The following DCHS1 variants were observed in gnomAD, a reference collection of about 807,000 sequenced individuals.
The protein encoded by DCHS1 is dachsous cadherin-related 1.
Under a neutral mutation model 213.9 loss-of-function variants are expected in DCHS1, and 78 were observed. The ratio of observed to expected loss-of-function variants is 0.36; its 90% CI spans 0.30 to 0.44. The LOEUF is 0.44. Ranked by LOEUF, DCHS1 falls within the 20% of genes least tolerant of loss-of-function variation. The pLI, the probability that DCHS1 is intolerant of heterozygous loss-of-function variation, is 1.00. For synonymous variants in DCHS1, 1,828 were observed against 1,873.7 expected (o/e 0.98, Z 0.63); for missense variants, 3,946 against 4,395.9 (o/e 0.90, Z 2.89).
chr11:6,640,094 T>G lies in DCHS1; in HGVS notation c.1520A>C (p.Gln507Pro), dbSNP rs1279163319. The change falls in exon 2 of 21, where the codon CAG becomes CCG. Residue 507 changes from glutamine to proline, a missense_variant. Physicochemically the swap from Gln to Pro is moderately conservative, Grantham distance 76. Transcript: ENST00000299441. This position sits in a 1 kb window ranked among gnomAD's most constrained non-coding sequence, Gnocchi z 6.5. ...GCCAGGGGCTAGGCTATAAGTGACC[T>G]GACCATTGGTGCCTTGGTCAGGATC... ...ARDPDQGTNG[Q>P]VTYSLAPGAH... 6.2e-7 allele frequency: 1 copy of G among 1,613,646 alleles called. No homozygotes were observed. Among genetic ancestry groups the G allele is most frequent in the African/African-American group, 1.3e-5 (1 of 74,906 alleles).
intron 1 of DCHS1, among the ~76,000 whole-genome samples, chr11:6,650,197 T>C (rs976599329): frequency 3.3e-5 from 5 of 152,158 alleles, no homozygotes; most frequent in Admixed American, 6.5e-5. Context: ...AACAAGCTTC[T>C]TCTATCCAGT....
At position 6,625,865 on chromosome 11, in the gene DCHS1, C is replaced by T. The variant is rs908720084; in HGVS notation, c.6731+55G>A. 4.1e-5 allele frequency: 65 copies of T among 1,598,522 alleles called. No individual in the cohort carries two copies. The highest frequency in any genetic ancestry group is 1.2e-4 in the Admixed American group (7 of 57,748). ...GGGACCAGATGAGTTCAAGGCAGGG[C>T]TTGAAACTGGACAGGCCCAAGATGG... On this transcript the variant is annotated intron_variant, in intron 17 of 20. Coordinates refer to ENST00000299441, the MANE Select transcript of DCHS1 (RefSeq NM_003737.4). The surrounding 1 kb of genome is among the most constrained non-coding windows in gnomAD (Gnocchi z 5.3).
chr11:6,623,920 C>T lies in DCHS1; in HGVS notation c.7756G>A (p.Val2586Met), dbSNP rs747141130. Reference sequence around the variant, plus strand: ...TCTAGTACAGTGACAGTGACTGGCACGACTGAGCTTTGGGGTGGCTGCCCA... The same window carrying T: ...TCTAGTACAGTGACAGTGACTGGCATGACTGAGCTTTGGGGTGGCTGCCCA... ...DRGQPPQSSV[V>M]PVTVTVLDVN... Residue 2586 changes from valine (V) to methionine (M), a missense_variant, in exon 21 of 21, where the codon GTG becomes ATG. Val to Met is a conservative substitution (Grantham distance 21, BLOSUM62 1). Transcript: ENST00000299441. 17 of 1,607,916 alleles carry T rather than the reference C, an allele frequency of 1.1e-5. No homozygotes were observed. The East Asian group carries it at 1.1e-4, about 11-fold the overall frequency.
chr11:6,630,404 C>T lies in DCHS1; in HGVS notation c.4390G>A (p.Asp1464Asn). 7.0e-7 allele frequency: 1 copy of T among 1,424,798 alleles called. No individual in the cohort carries two copies. Among genetic ancestry groups the T allele is most frequent in the Non-Finnish European group, 9.1e-7 (1 of 1,094,446 alleles). 88.3% of individuals were successfully genotyped at this position (1,424,798 alleles called of 1,614,324 possible). A position where few individuals can be genotyped will look rare whatever the true frequency, so the allele number is the denominator to read the frequency against. The part of the protein sequence containing the change: ...ALYTFRASDA[D>N]GPGPNSDVRY... ...ACGTCGCTATTGGGGCCGGGGCCGT[C>T]GGCGTCCGACGCGCGGAAAGTGTAC... The change falls in exon 10 of 21, where the codon GAC becomes AAC. Residue 1464 changes from aspartate (D) to asparagine (N), a missense_variant. By Grantham distance (23) the Asp-to-Asn change is conservative. This residue lies in a region of DCHS1 where 3,384 missense variants were observed against 3,780.1 expected (regional missense o/e 0.90). Coordinates refer to ENST00000299441, the MANE Select transcript of DCHS1 (RefSeq NM_003737.4).
Position 6,633,516 on chromosome 11 carries a change from G to A in DCHS1, c.2351C>T (p.Thr784Ile). The part of the protein sequence containing the change: ...ARVDISIVPG[T>I]PTPPIFEQLQ... ...TTGCTCAAATATGGGTGGTGTGGGGGTTCCAGGCACAATGCTGATGTCCAC... is the reference window on the plus strand; with the variant it reads ...TTGCTCAAATATGGGTGGTGTGGGGATTCCAGGCACAATGCTGATGTCCAC... Residue 784 changes from threonine to isoleucine, a missense_variant, in exon 5 of 21, where the codon ACC (threonine) becomes ATC (isoleucine). Thr to Ile is a moderately conservative substitution (Grantham distance 89). Around this residue, in one of 3 missense-constraint regions of DCHS1, gnomAD observed 3,384 missense variants for 3,780.1 expected, o/e 0.90. Coordinates refer to ENST00000299441, the MANE Select transcript of DCHS1 (RefSeq NM_003737.4). 1 of 1,584,904 alleles carries A rather than the reference G, an allele frequency of 6.3e-7. No homozygotes were observed. The highest frequency in any genetic ancestry group is 8.6e-7 in the Non-Finnish European group (1 of 1,165,064).
chr11:6,637,657 A>G (rs542957430), intron 2 of DCHS1, among the ~76,000 whole-genome samples: 1 of 151,874 alleles, frequency 6.6e-6, no homozygotes, highest in East Asian at 1.9e-4. Flanking sequence ...ACTCTCATAA[A>G]TTGCTCATTC....
chr11:6,623,441 C>T lies in DCHS1; in HGVS notation c.8235G>A (p.Leu2745=). The T allele has an allele frequency of 6.3e-7, 1 of 1,582,876 alleles. No individual in the cohort carries two copies. Among genetic ancestry groups the T allele is most frequent in the Non-Finnish European group, 8.6e-7 (1 of 1,164,544 alleles). Residue 2745 remains leucine, a synonymous_variant, in exon 21 of 21, where the codon CTG becomes CTA. Coordinates refer to ENST00000299441, the MANE Select transcript of DCHS1 (RefSeq NM_003737.4). ...CCTCAGGTCCTGGCCCAGCCTCCAA[C>T]AGGCTGTAACGGAGCCTCCCAAAAG... ...AGAFGRLRYS[L]LEAGPGPEGR...
In DCHS1 at chr11:6,628,581, A is replaced by T; in HGVS notation, c.5371+40T>A. On this transcript the variant is annotated intron_variant, in intron 13 of 20. Transcript: ENST00000299441. This position sits in a 1 kb window ranked among gnomAD's most constrained non-coding sequence, Gnocchi z 4.3. ...AGCCAAGAAGGAGCAAGAACCAGGC[A>T]AGTGGGTGCTGAATTAAGTGGGAGT... 1.2e-6 allele frequency: 2 copies of T among 1,609,096 alleles called. No individual in the cohort carries two copies. The highest frequency in any genetic ancestry group is 1.7e-6 in the Non-Finnish European group (2 of 1,176,274).
chr11:6,630,625 A>G lies in DCHS1; in HGVS notation c.4169T>C (p.Leu1390Pro). Residue 1390 changes from leucine to proline, a missense_variant, in exon 10 of 21, where the codon CTG becomes CCG. Physicochemically the swap from Leu to Pro is moderately conservative, Grantham distance 98. Transcript: ENST00000299441. Reference protein sequence around the residue: ...ALDAASGRLYLARPLDFEAGP... With the variant: ...ALDAASGRLYPARPLDFEAGP... ...AGCTTCGAAGTCCAGGGGCCGCGCC[A>G]GGTACAAGCGCCCTGAGGCCGCATC... The G allele has an allele frequency of 1.3e-6, 2 of 1,540,286 alleles. No homozygotes were observed. The highest frequency in any genetic ancestry group is 1.7e-6 in the Non-Finnish European group (2 of 1,148,574).
chr11:6,650,300 G>A (rs1425845015), intron 1 of DCHS1, among the ~76,000 whole-genome samples: 2 of 152,196 alleles, frequency 1.3e-5, no homozygotes, highest in Non-Finnish European at 2.9e-5. Flanking sequence ...CCTGGAGGAG[G>A]TGCCCTTTCA....
rs539239282 is a variant in DCHS1 at position 6,622,876 on chromosome 11, T to C, written c.8800A>G (p.Asn2934Asp). The C allele has an allele frequency of 6.9e-5, 110 of 1,596,902 alleles. No homozygotes were observed. In the East Asian group the frequency reaches 1.3e-3, roughly 18 times the overall value. Residue 2934 changes from asparagine to aspartate, a missense_variant, in exon 21 of 21, where the codon AAC becomes GAC. This residue lies in a region of DCHS1 where 554 missense variants were observed against 590.2 expected (regional missense o/e 0.94). Coordinates refer to ENST00000299441, the MANE Select transcript of DCHS1 (RefSeq NM_003737.4). This position sits in a 1 kb window ranked among gnomAD's most constrained non-coding sequence, Gnocchi z 5.4. ...HTALGLAPDLNLLLVGAVAAS... is the reference protein window; with the variant it reads ...HTALGLAPDLDLLLVGAVAAS... ...GCCACGGCCCCTACTAATAGCAGGT[T>C]GAGGTCAGGTGCCAGGCCCAGTGCG...
In DCHS1 at chr11:6,630,320, T is replaced by C; in HGVS notation, c.4474A>G (p.Thr1492Ala). Residue 1492 changes from threonine to alanine, a missense_variant, in exon 10 of 21, where the codon ACC becomes GCC. Coordinates refer to ENST00000299441, the MANE Select transcript of DCHS1 (RefSeq NM_003737.4). ...PVPALRLDAR[T>A]GALSAPRGLD... is the part of the protein sequence containing the mutation. ...CCGCGCGGAGCGCTGAGCGCCCCGG[T>C]GCGCGCGTCCAGGCGAAGCGCCGGC... 1 of 1,354,414 alleles carries C rather than the reference T, an allele frequency of 7.4e-7. No homozygotes were observed. Among genetic ancestry groups the C allele is most frequent in the Non-Finnish European group, 9.5e-7 (1 of 1,056,668 alleles). 83.9% of individuals were successfully genotyped at this position (1,354,414 alleles called of 1,614,324 possible). A position where few individuals can be genotyped will look rare whatever the true frequency, so the allele number is the denominator to read the frequency against.
intron 1 of DCHS1, among the ~76,000 whole-genome samples, chr11:6,655,263 A>T (rs1304696606): frequency 6.6e-6 from 1 of 152,044 alleles, no homozygotes; most frequent in Non-Finnish European, 1.5e-5. Context: ...CCTCCCAGTG[A>T]CACGCACTGA....
chr11:6,622,119 A>C lies in DCHS1; in HGVS notation c.9557T>G (p.Leu3186Arg), dbSNP rs1324045090. The C allele has an allele frequency of 1.2e-6, 2 of 1,613,146 alleles. No homozygotes were observed. The highest frequency in any genetic ancestry group is 2.2e-5 in the South Asian group (2 of 91,060). ...LASVFTEIARLKDEARPCPPA... is the reference protein window; with the variant it reads ...LASVFTEIARRKDEARPCPPA... ...GGGACATGGCCGAGCTTCATCCTTGAGCCGAGCGATCTCTGTGAAGACACT... is the reference window on the plus strand; with the variant it reads ...GGGACATGGCCGAGCTTCATCCTTGCGCCGAGCGATCTCTGTGAAGACACT... Residue 3186 changes from leucine to arginine, a missense_variant, in exon 21 of 21, where the codon CTC becomes CGC. Physicochemically the swap from Leu to Arg is moderately radical, Grantham distance 102 (BLOSUM62 -2). Around this residue, in one of 3 missense-constraint regions of DCHS1, gnomAD observed 554 missense variants for 590.2 expected, o/e 0.94. Transcript: ENST00000299441. This position sits in a 1 kb window ranked among gnomAD's most constrained non-coding sequence, Gnocchi z 5.4.
At chr11:6,648,368 A>G (rs1856197155) in intron 1 of DCHS1, among the ~76,000 whole-genome samples, 1 of 152,246 alleles carries the variant, frequency 6.6e-6, no homozygotes, top group Non-Finnish European at 1.5e-5. Flanking sequence ...TTCAAAAAAG[A>G]AAGGGATCGA....
chr11:6,655,538 G>C (rs1341669648), intron 1 of DCHS1, 25 bp downstream of exon 1: 25 of 980,018 alleles, frequency 2.6e-5, no homozygotes, highest in African/African-American at 3.5e-5. Context: ...GCGGCCAGAC[G>C]GGCCGGGCGG....
rs1413726727 is a variant in DCHS1, at chr11:6,623,018, A to C, written c.8658T>G (p.Gly2886=). The change falls in exon 21 of 21, where the codon GGT becomes GGG. Residue 2886 remains glycine, a synonymous_variant. Coordinates refer to ENST00000299441, the MANE Select transcript of DCHS1 (RefSeq NM_003737.4). The part of the protein sequence containing the change: ...APGSGTATSG[G]GGRTRREAPR... ...GTGCTTCCCGCCGGGTCCGGCCCCC[A>C]CCCCCAGAGGTGGCTGTTCCGCTGC... 2.5e-6 allele frequency: 4 copies of C among 1,572,144 alleles called. No homozygotes were observed. In the African/African-American group the frequency reaches 5.4e-5, roughly 21 times the overall value.
Position 6,623,370 on chromosome 11 carries a change from G to A in DCHS1, c.8306C>T (p.Ala2769Val), listed in dbSNP as rs200122562. Reference sequence around the variant, plus strand: ...GTGCTCATAGTCAAAGGGCACTCGCGCACGCAACTCCCCTGTTGAGCTGTT... The same window carrying A: ...GTGCTCATAGTCAAAGGGCACTCGCACACGCAACTCCCCTGTTGAGCTGTT... ...ALNSSTGELR[A>V]RVPFDYEHTE... Residue 2769 changes from alanine to valine, a missense_variant, in exon 21 of 21, where the codon GCG becomes GTG. This residue lies in a region of DCHS1 where 3,384 missense variants were observed against 3,780.1 expected (regional missense o/e 0.90). Coordinates refer to ENST00000299441, the MANE Select transcript of DCHS1 (RefSeq NM_003737.4). 4.4e-6 allele frequency: 7 copies of A among 1,596,950 alleles called. No homozygotes were observed. Among genetic ancestry groups the A allele is most frequent in the Admixed American group, 1.7e-5 (1 of 57,704 alleles).
Position 6,641,083 on chromosome 11 carries a change from G to T in DCHS1, c.531C>A (p.Thr177=). ...ARDADAGRLG[T]QGYALSGDGA... ...CATCACCAGATAGCGCATAGCCCTGGGTTCCCAGACGCCCAGCATCTGCAT... is the reference window on the plus strand; with the variant it reads ...CATCACCAGATAGCGCATAGCCCTGTGTTCCCAGACGCCCAGCATCTGCAT... The change falls in exon 2 of 21, where the codon ACC becomes ACA. Residue 177 remains threonine (T), a synonymous_variant. Coordinates refer to ENST00000299441, the MANE Select transcript of DCHS1 (RefSeq NM_003737.4). This position sits in a 1 kb window ranked among gnomAD's most constrained non-coding sequence, Gnocchi z 7.1. The T allele has an allele frequency of 6.2e-7, 1 of 1,614,016 alleles. No homozygotes were observed. Among genetic ancestry groups the T allele is most frequent in the South Asian group, 1.1e-5 (1 of 91,084 alleles).
Sources: allele counts gnomAD v4.1 joint callset (sites outside exome capture counted in the v4.1 genomes callset), GRCh38; gene constraint gnomAD v4.1.1; regional missense constraint gnomAD v4.1.1; non-coding constraint Gnocchi (gnomAD v3.1); transcripts MANE v1.5; gene names NCBI Gene and HGNC (gene_info 2026-07-23, HGNC 2026-07-21).